The following EPB42 variants were observed in gnomAD, a reference collection of about 807,000 sequenced individuals.
The protein encoded by EPB42 is erythrocyte membrane protein band 4.2, also known as protein 4.2.
In EPB42, 49 loss-of-function variants were observed where a neutral mutation model predicts 76.9. That is an observed-to-expected ratio of 0.64 (90% CI 0.51 to 0.81). EPB42 has a LOEUF of 0.81. Ranked by LOEUF, EPB42 falls within the 30% of genes least tolerant of loss-of-function variation. The pLI, the probability that EPB42 is intolerant of heterozygous loss-of-function variation, is 0.00. For missense variants in EPB42, 731 were observed against 867.6 expected, an observed-to-expected ratio of 0.84 and a Z score of 1.98; for synonymous variants, 310 against 338.4, an observed-to-expected ratio of 0.92 and a Z score of 0.92.
In EPB42 at chr15:43,220,822, C is replaced by G. The variant is rs1413177144; in HGVS notation, c.4G>C (p.Gly2Arg). The change falls in exon 1 of 13, where the codon GGA becomes CGA. Residue 2 changes from glycine to arginine, a missense_variant. Gly to Arg is a moderately radical substitution (Grantham distance 125). Coordinates refer to ENST00000441366, the MANE Select transcript of EPB42 (RefSeq NM_001114134.2). ...GAGCGCTGGCTTGGCTCACCCTGTC[C>G]CATGGTTGCAGGCCGCTCCTCTTAT... M[G>R]QALGIKSCDF... is the part of the protein sequence containing the mutation. 1.2e-6 allele frequency: 2 copies of G among 1,611,458 alleles called. No individual in the cohort carries two copies. Among genetic ancestry groups the G allele is most frequent in the Non-Finnish European group, 1.7e-6 (2 of 1,179,970 alleles).
At position 43,206,582 on chromosome 15, in the gene EPB42, T is replaced by C. The variant is rs948215685; in HGVS notation, c.1366A>G (p.Met456Val). ...EVLERVEKEKMEREKDNGIRP... is the reference protein window; with the variant it reads ...EVLERVEKEKVEREKDNGIRP... ...ATGCCGTTGTCTTTCTCACGTTCCA[T>C]TTTCTCTTTCTCGACTCTCTCCAGC... is the stretch of plus-strand genomic sequence containing the variant. The change falls in exon 10 of 13, where the codon ATG becomes GTG. Residue 456 changes from methionine (M) to valine (V), a missense_variant. By Grantham distance (21) the Met-to-Val change is conservative (BLOSUM62 1). Coordinates refer to ENST00000441366, the MANE Select transcript of EPB42 (RefSeq NM_001114134.2). This position sits in a 1 kb window ranked among gnomAD's most constrained non-coding sequence, Gnocchi z 4.7. 6.2e-7 allele frequency: 1 copy of C among 1,614,146 alleles called. No individual in the cohort carries two copies. The highest frequency in any genetic ancestry group is 8.5e-7 in the Non-Finnish European group (1 of 1,180,014).
chr15:43,215,162 C>T lies in EPB42; in HGVS notation c.363G>A (p.Leu121=). Residue 121 remains leucine, a synonymous_variant, in exon 3 of 13, where the codon CTG becomes CTA. Transcript: ENST00000441366. The part of the protein sequence containing the change: ...DAVIGHYSLL[L]QVSGRKQLLL... ...GGAGTTGCTTCCTGCCTGAGACCTGCAGCAGAAGCGAGTAGTGGCCAATGA... is the reference window on the plus strand; with the variant it reads ...GGAGTTGCTTCCTGCCTGAGACCTGTAGCAGAAGCGAGTAGTGGCCAATGA... The T allele has an allele frequency of 1.2e-6, 2 of 1,614,242 alleles. No individual in the cohort carries two copies. The highest frequency in any genetic ancestry group is 1.7e-6 in the Non-Finnish European group (2 of 1,180,048).
Position 43,209,254 on chromosome 15 carries a change from C to G in EPB42, c.832+20G>C, listed in dbSNP as rs749832086. The G allele has an allele frequency of 2.5e-6, 4 of 1,613,854 alleles. No individual in the cohort carries two copies. Among genetic ancestry groups the G allele is most frequent in the Non-Finnish European group, 3.4e-6 (4 of 1,179,940 alleles). ...ACAACCCAGGAGGCAGGGCACTCTA[C>G]AGGAGACAAGGGGACCAACCTGTGC... On this transcript the variant is annotated intron_variant, in intron 6 of 12. Coordinates refer to ENST00000441366, the MANE Select transcript of EPB42 (RefSeq NM_001114134.2).
chr15:43,219,242 G>A (rs551626964), intron 1 of EPB42, among the ~76,000 whole-genome samples: 1 of 152,294 alleles, frequency 6.6e-6, no homozygotes, highest in Non-Finnish European at 1.5e-5. Context: ...AGAGATACAG[G>A]AGACATAAAC....
At position 43,197,389 on chromosome 15, in the gene EPB42, T is replaced by C. The variant is rs2042054832; in HGVS notation, c.1989A>G (p.Arg663=). The C allele has an allele frequency of 6.2e-7, 1 of 1,613,964 alleles. No homozygotes were observed. The highest frequency in any genetic ancestry group is 8.5e-7 in the Non-Finnish European group (1 of 1,180,024). Residue 663 remains arginine, a synonymous_variant, in exon 13 of 13, where the codon AGA becomes AGG. Transcript: ENST00000441366. ...QFTPTHVGLQ[R]LTVEVDCNMF... ...TGTTGCAGTCCACTTCCACAGTGAG[T>C]CTCTGGAGCCCCACATGTGTTGGCG...
At chr15:43,221,531 G>A (rs1394408744), upstream of EPB42, among the ~76,000 whole-genome samples, 1 of 152,184 alleles carries the variant, frequency 6.6e-6, no homozygotes, top group Non-Finnish European at 1.5e-5. Flanking sequence ...CAGGCCCTAT[G>A]TCTTTTCAAT....
chr15:43,211,391 C>T (rs970764659), intron 4 of EPB42, 25 bp downstream of exon 4: 1 of 1,414,960 alleles, frequency 7.1e-7, no homozygotes, highest in Non-Finnish European at 1.0e-6. Context: ...ACTCTACACA[C>T]TCCTCCCCTA....
intron 10 of EPB42, among the ~76,000 whole-genome samples, chr15:43,205,614 G>A: frequency 6.6e-6 from 1 of 152,104 alleles, no homozygotes; most frequent in Admixed American, 6.6e-5. Context: ...TGCCCAGGCT[G>A]ATCTTGAACT....
At chr15:43,202,002 G>A (rs944461110) in intron 11 of EPB42, 25 bp from the exon 12 acceptor site, 13 of 1,613,488 alleles carry the variant, frequency 8.1e-6, no homozygotes, top group East Asian at 2.2e-5. Flanking sequence ...AATACCTGGT[G>A]TGGATGCCAA....
chr15:43,208,800 A>AG, intron 6 of EPB42, 25 bp from the exon 7 acceptor site: 1 of 1,612,188 alleles, frequency 6.2e-7, no homozygotes, highest in Non-Finnish European at 8.5e-7. Flanking sequence ...GCGGAGTGTC[A>AG]GGGGGCGCTT....
Position 43,206,182 on chromosome 15 carries a change from G to T in EPB42, c.1618+148C>A. 1.2e-6 allele frequency: 1 copy of T among 806,436 alleles called. No individual in the cohort carries two copies. The highest frequency in any genetic ancestry group is 1.9e-6 in the Non-Finnish European group (1 of 531,144). 50.0% of individuals were successfully genotyped at this position (806,436 alleles called of 1,614,324 possible). A position where few individuals can be genotyped will look rare whatever the true frequency, so the allele number is the denominator to read the frequency against. ...CCCAATAAATATGTGTTGAATGAATGAATGAGAGAGAACATGAGAGTGAGC... is the reference window on the plus strand; with the variant it reads ...CCCAATAAATATGTGTTGAATGAATTAATGAGAGAGAACATGAGAGTGAGC... On this transcript the variant is annotated intron_variant, in intron 10 of 12. Transcript: ENST00000441366. This position sits in a 1 kb window ranked among gnomAD's most constrained non-coding sequence, Gnocchi z 4.7.
intron 12 of EPB42, among the ~76,000 whole-genome samples, chr15:43,198,737 C>G (rs56098203): frequency 0.018 from 2,707 of 152,288 alleles, 41 homozygotes; most frequent in Non-Finnish European, 0.027. Context: ...TTCATGGCAG[C>G]CCCTCCCATC....
chr15:43,214,559 G>C (rs2042348071), intron 3 of EPB42, among the ~76,000 whole-genome samples: 1 of 152,166 alleles, frequency 6.6e-6, no homozygotes, highest in Non-Finnish European at 1.5e-5. Context: ...GACCTCTTGG[G>C]GCCCTGGTCG....
chr15:43,207,546 C>T lies in EPB42; in HGVS notation c.1076-105G>A, dbSNP rs79556148. The stretch of plus-strand genomic sequence containing the variant: ...CATCCTCTAGCCTATTTTCCCTCCA[C>T]GAGGACCAAGGTCAGAGGTGAGCAC... On this transcript the variant is annotated intron_variant, in intron 8 of 12. Coordinates refer to ENST00000441366, the MANE Select transcript of EPB42 (RefSeq NM_001114134.2). The T allele has an allele frequency of 1.5e-4, 241 of 1,570,210 alleles. 1 individual carries two copies. The African/African-American group carries it at 2.2e-3, about 14-fold the overall frequency.
intron 2 of EPB42, among the ~76,000 whole-genome samples, 177 bp from the exon 3 acceptor site, chr15:43,215,505 G>T (rs751667250): frequency 5.3e-5 from 8 of 152,144 alleles, no homozygotes; most frequent in Non-Finnish European, 8.8e-5. Context: ...AAGGCTTTTG[G>T]CACCCATGGA....
At chr15:43,198,509 C>G (rs1296554738) in intron 12 of EPB42, among the ~76,000 whole-genome samples, 2 of 152,120 alleles carry the variant, frequency 1.3e-5, no homozygotes, top group Non-Finnish European at 2.9e-5. Context: ...GCAAAGCATT[C>G]AAGAGGTGAC....
chr15:43,199,889 CCAT>C (rs1300016524), intron 12 of EPB42, among the ~76,000 whole-genome samples: 1 of 152,176 alleles, frequency 6.6e-6, no homozygotes, highest in Non-Finnish European at 1.5e-5. Flanking sequence ...CTTGCCACCA[CCAT>C]GTTATAAATG....
At chr15:43,204,967 C>CA (rs1043582800) in intron 10 of EPB42, among the ~76,000 whole-genome samples, 3 of 140,242 alleles carry the variant, frequency 2.1e-5, no homozygotes, top group Non-Finnish European at 3.1e-5. Context: ...CCCCTCCGCC[C>CA]CCCCCCCAAA....
chr15:43,203,086 G>A (rs774017319), intron 11 of EPB42, 29 bp downstream of exon 11: 1 of 1,613,776 alleles, frequency 6.2e-7, no homozygotes, highest in Admixed American at 1.7e-5. Context: ...TGGCAGACGA[G>A]GGCAACTCAG....
Sources: allele counts gnomAD v4.1 joint callset (sites outside exome capture counted in the v4.1 genomes callset), GRCh38; gene constraint gnomAD v4.1.1; non-coding constraint Gnocchi (gnomAD v3.1); transcripts MANE v1.5; gene names NCBI Gene and HGNC (gene_info 2026-07-23, HGNC 2026-07-21).